KLHL12: variants seen among roughly 807,000 people sequenced by gnomAD.
KLHL12 encodes kelch-like protein 12.
In KLHL12, 17 loss-of-function variants were observed where a neutral mutation model predicts 60.8. The observed-to-expected ratio is 0.28, with a 90% CI of 0.19 to 0.42. The LOEUF is 0.42. KLHL12 is among the 10% of genes least tolerant of loss of function. The pLI, the probability that KLHL12 is intolerant of heterozygous loss-of-function variation, is 1.00. For missense variants in KLHL12, 468 were observed against 722.3 expected, an observed-to-expected ratio of 0.65 and a Z score of 4.04; for synonymous variants, 220 against 250.9, an observed-to-expected ratio of 0.88 and a Z score of 1.16.
At chr1:202,912,618 G>T (rs1404474216) in intron 4 of KLHL12, 17 of 1,337,648 alleles carry the variant, frequency 1.3e-5, no homozygotes, top group Non-Finnish European at 1.7e-5. Flanking sequence ...TTTGGAGGCA[G>T]AAGCTCTGGG....
chr1:202,926,104 CAA>C (rs368473168), intron 1 of KLHL12, among the ~76,000 whole-genome samples: 24 of 59,518 alleles, frequency 4.0e-4, no homozygotes, highest in Middle Eastern at 0.011. Flanking sequence ...GACTCTGTCT[CAA>C]AAAAAAAAAA....
chr1:202,924,800 G>A (rs1313508740), intron 2 of KLHL12, among the ~76,000 whole-genome samples, 168 bp downstream of exon 2: 2 of 152,112 alleles, frequency 1.3e-5, no homozygotes, highest in Admixed American at 1.3e-4. Flanking sequence ...ACTTAAAGAT[G>A]AGGAAACTAA....
intron 6 of KLHL12, among the ~76,000 whole-genome samples, chr1:202,905,349 A>G (rs939774808): frequency 2.0e-5 from 3 of 152,222 alleles, no homozygotes; most frequent in East Asian, 3.8e-4. Flanking sequence ...AATGAGTGCT[A>G]TCATGCAAAA....
intron 6 of KLHL12, among the ~76,000 whole-genome samples, chr1:202,904,080 A>G (rs760178156): frequency 3.3e-5 from 5 of 151,856 alleles, no homozygotes; most frequent in Non-Finnish European, 7.4e-5. Flanking sequence ...GTGCAATGGC[A>G]CGATCTTGGT....
At chr1:202,899,206 G>A (rs142501826) in intron 6 of KLHL12, among the ~76,000 whole-genome samples, 1 of 152,000 alleles carries the variant, frequency 6.6e-6, no homozygotes, top group Non-Finnish European at 1.5e-5. Flanking sequence ...CCAACTACTC[G>A]GGTGGCTCAG....
chr1:202,911,081 C>A lies in KLHL12; in HGVS notation c.690G>T (p.Arg230Ser). The change falls in exon 5 of 12, where the codon AGG becomes AGT. Residue 230 changes from arginine to serine, a missense_variant. By Grantham distance (110) the Arg-to-Ser change is moderately radical. Transcript: ENST00000367261. ...QYVRMPLLTP[R>S]YITDVIDAEP... is the part of the protein sequence containing the mutation. The stretch of plus-strand genomic sequence containing the variant: ...CAGCATCTATTACATCTGTGATATA[C>A]CTGGGGGTTAGTAGGGGCATCCGCA... 2 of 1,614,050 alleles carry A rather than the reference C, an allele frequency of 1.2e-6. No homozygotes were observed. The highest frequency in any genetic ancestry group is 1.1e-5 in the South Asian group (1 of 91,068).
intron 4 of KLHL12, among the ~76,000 whole-genome samples, chr1:202,916,866 C>A (rs1009507408): frequency 6.6e-6 from 1 of 151,218 alleles, no homozygotes; most frequent in Admixed American, 6.6e-5. Flanking sequence ...TCCAGCTACA[C>A]AGGAGGATGA....
rs1411925006 is a variant in KLHL12 at position 202,893,155 on chromosome 1, G to A, written c.1580+84C>T. 1.8e-6 allele frequency: 2 copies of A among 1,135,668 alleles called. No individual in the cohort carries two copies. Among genetic ancestry groups the A allele is most frequent in the Admixed American group, 5.0e-5 (2 of 39,676 alleles). The allele number at this position is 1,135,668 out of a possible 1,614,324, so 70.3% of individuals were successfully genotyped here. On this transcript the variant is annotated intron_variant, in intron 11 of 11. Transcript: ENST00000367261. The surrounding 1 kb of genome is among the most constrained non-coding windows in gnomAD (Gnocchi z 4.1). ...AGATGTCTACCCCTACCCAAGTCTTGTCTCTGTCCAAAAATGAGGATCAGA... is the reference window on the plus strand; with the variant it reads ...AGATGTCTACCCCTACCCAAGTCTTATCTCTGTCCAAAAATGAGGATCAGA...
chr1:202,927,038 T>C lies in KLHL12; in HGVS notation c.-46+51A>G, dbSNP rs951921035. 10 of 983,346 alleles carry C rather than the reference T, an allele frequency of 1.0e-5. No individual in the cohort carries two copies. In the African/African-American group the frequency reaches 1.6e-4, roughly 16 times the overall value. The allele number at this position is 983,346 out of a possible 1,614,324, so 60.9% of individuals were successfully genotyped here. On this transcript the variant is annotated intron_variant, in intron 1 of 11. Transcript: ENST00000367261. ...TGGGGGGTAGGGCCATAACCCGGAG[T>C]TGACGGACAGGAAGGGAAGGGCTGA...
chr1:202,926,300 A>G (rs1284130227), intron 1 of KLHL12, among the ~76,000 whole-genome samples: 1 of 152,170 alleles, frequency 6.6e-6, no homozygotes. Context: ...ACTTTCTGAA[A>G]TGATCCGGGG....
At chr1:202,928,429 G>T, upstream of KLHL12, 2 of 1,124,650 alleles carry the variant, frequency 1.8e-6, no homozygotes, top group Non-Finnish European at 2.4e-6. Context: ...CAGGCAGAGA[G>T]AATTCCAACG....
chr1:202,911,357 T>C (rs1383528324), intron 4 of KLHL12, among the ~76,000 whole-genome samples, 154 bp from the exon 5 acceptor site: 1 of 151,846 alleles, frequency 6.6e-6, no homozygotes, highest in Non-Finnish European at 1.5e-5. Context: ...GGGAAAACAA[T>C]TTTTTTCAGA....
rs1177603787 is a variant in KLHL12 at position 202,923,561 on chromosome 1, G to A, written c.195+1407C>T. ...TGTAGTATATAAAATTCATACTTCG[G>A]AGGCTAAGGCGGCACAAGAGTTACA... is the stretch of plus-strand genomic sequence containing the variant. On this transcript the variant is annotated intron_variant, in intron 2 of 11. Coordinates refer to ENST00000367261, the MANE Select transcript of KLHL12 (RefSeq NM_021633.4). Among the ~76,000 whole-genome samples, 3 of 152,256 alleles carry A rather than the reference G, an allele frequency of 2.0e-5. No homozygotes were observed. The East Asian group carries it at 5.8e-4, about 29-fold the overall frequency.
intron 4 of KLHL12, chr1:202,912,560 A>G: frequency 9.0e-7 from 1 of 1,113,822 alleles, no homozygotes; most frequent in Non-Finnish European, 1.4e-6. Context: ...TGATTTTGGC[A>G]ACTACAATAA....
rs768252677 is a variant in KLHL12 at position 202,911,164 on chromosome 1, A to G, written c.607T>C (p.Trp203Arg). Residue 203 changes from tryptophan to arginine, a missense_variant, in exon 5 of 12, where the codon TGG becomes CGG. Physicochemically the swap from Trp to Arg is moderately radical, Grantham distance 101. Around this residue, in one of 4 missense-constraint regions of KLHL12, gnomAD observed 339 missense variants for 525.0 expected, o/e 0.65. Coordinates refer to ENST00000367261, the MANE Select transcript of KLHL12 (RefSeq NM_021633.4). ...CGCTCTTTCTTGGCATGCTTCACCC[A>G]GTTGATGACAGCCTCAAAGACTGGC... The part of the protein sequence containing the change: ...EEPVFEAVIN[W>R]VKHAKKEREE... The G allele has an allele frequency of 6.2e-7, 1 of 1,614,114 alleles. No homozygotes were observed. The highest frequency in any genetic ancestry group is 1.1e-5 in the South Asian group (1 of 91,078).
At chr1:202,914,649 C>T (rs1435144921) in intron 4 of KLHL12, among the ~76,000 whole-genome samples, 1 of 151,890 alleles carries the variant, frequency 6.6e-6, no homozygotes, top group Non-Finnish European at 1.5e-5. Flanking sequence ...GGGTGGATCA[C>T]GAGGTCAGGA....
At position 202,925,210 on chromosome 1, in the gene KLHL12, A is replaced by AC; in HGVS notation, c.-45-4dup. The stretch of plus-strand genomic sequence containing the variant: ...AAATGGGTCCTTGGATTCTGCAACT[A>AC]CAAGAGGGAAAAAAAAACAATGAGC... On this transcript the variant is annotated splice_polypyrimidine_tract_variant and splice_region_variant and intron_variant, in intron 1 of 11. Coordinates refer to ENST00000367261, the MANE Select transcript of KLHL12 (RefSeq NM_021633.4). 6.2e-7 allele frequency: 1 copy of AC among 1,606,766 alleles called. No homozygotes were observed. Among genetic ancestry groups the AC allele is most frequent in the South Asian group, 1.1e-5 (1 of 89,606 alleles).
intron 6 of KLHL12, among the ~76,000 whole-genome samples, chr1:202,898,219 A>G (rs1458940098): frequency 6.6e-6 from 1 of 152,232 alleles, no homozygotes; most frequent in East Asian, 1.9e-4. Context: ...TTTTTCAAAG[A>G]GCAAAGTCTC....
Position 202,909,214 on chromosome 1 carries a change from A to G in KLHL12, c.718-90T>C, listed in dbSNP as rs755742112. The G allele has an allele frequency of 7.7e-5, 60 of 779,842 alleles. No homozygotes were observed. The highest frequency in any genetic ancestry group is 3.2e-4 in the Admixed American group (14 of 43,118). The allele number at this position is 779,842 out of a possible 1,614,324, so 48.3% of individuals were successfully genotyped here. On this transcript the variant is annotated intron_variant, in intron 5 of 11. Transcript: ENST00000367261. This position sits in a 1 kb window ranked among gnomAD's most constrained non-coding sequence, Gnocchi z 4.1. ...AGCACATGCAAATAATTAACTTCTG[A>G]CTACAGAAAACCAGTTTGCAAAGCC... is the stretch of plus-strand genomic sequence containing the variant.
Sources: allele counts gnomAD v4.1 joint callset (sites outside exome capture counted in the v4.1 genomes callset), GRCh38; gene constraint gnomAD v4.1.1; regional missense constraint gnomAD v4.1.1; non-coding constraint Gnocchi (gnomAD v3.1); transcripts MANE v1.5; gene names NCBI Gene and HGNC (gene_info 2026-07-23, HGNC 2026-07-21).